CSRP1: variants seen among roughly 807,000 people sequenced by gnomAD.
CSRP1 encodes cysteine and glycine rich protein 1, also known as cysteine and glycine-rich protein 1.
In CSRP1, 16 loss-of-function variants were observed where a neutral mutation model predicts 25.4. That is an observed-to-expected ratio of 0.63 (90% CI 0.43 to 0.96). CSRP1 has a LOEUF of 0.96. Ranked by LOEUF, CSRP1 falls within the 40% of genes least tolerant of loss-of-function variation. The probability of loss-of-function intolerance (pLI) is 0.00; values close to 1 mark genes in which losing one functional copy is unlikely to be tolerated. For missense variants in CSRP1, 212 were observed against 243.6 expected (o/e 0.87, Z 0.86); for synonymous variants, 97 against 95.3 (o/e 1.02, Z -0.10).
At position 201,503,826 on chromosome 1, in the gene CSRP1, C is replaced by T. The variant is rs592865; in HGVS notation, c.-2+3244G>A. 1.3e-3 allele frequency among the ~76,000 whole-genome samples: 202 copies of T among 152,086 alleles called. 6 individuals are homozygous for T. Among genetic ancestry groups the T allele is most frequent in the South Asian group, 1.5e-3 (7 of 4,822 alleles). On this transcript the variant is annotated intron_variant, in intron 1 of 5. Transcript: ENST00000340006. ...TTGCTAGCTCTCTCTTTCTCAAGCA[C>T]GCTCTTTTCCAGGCTTGTTTTCTTT...
At chr1:201,487,199 C>T (rs1313242564) in intron 4 of CSRP1, 3 of 290,028 alleles carry the variant, frequency 1.0e-5, no homozygotes, top group Non-Finnish European at 2.1e-5. Context: ...ATCGTGAGGT[C>T]CAGGCTGGTT....
At chr1:201,506,215 T>C (rs1229771629) in intron 1 of CSRP1, among the ~76,000 whole-genome samples, 1 of 152,078 alleles carries the variant, frequency 6.6e-6, no homozygotes, top group Non-Finnish European at 1.5e-5. Flanking sequence ...ACTGTGATAG[T>C]ATCCCAGCGT....
intron 4 of CSRP1, chr1:201,486,332 G>A (rs1280775735): frequency 3.0e-6 from 3 of 985,400 alleles, no homozygotes; most frequent in Middle Eastern, 5.2e-4. Flanking sequence ...AGGCTGATGT[G>A]TAGACAGCTC....
chr1:201,485,172 G>T, intron 5 of CSRP1, 111 bp downstream of exon 5: 1 of 932,626 alleles, frequency 1.1e-6, no homozygotes, highest in Non-Finnish European at 1.8e-6. Flanking sequence ...TAGATGTTCA[G>T]ATCTTGGATC....
chr1:201,491,210 T>TA (rs1221352456), intron 2 of CSRP1: 1 of 152,300 alleles, frequency 6.6e-6, no homozygotes, highest in African/African-American at 2.4e-5. Flanking sequence ...GCTGGAGGAT[T>TA]ACTTGAGCCC....
intron 1 of CSRP1, among the ~76,000 whole-genome samples, chr1:201,500,849 G>A (rs1177163437): frequency 1.3e-5 from 2 of 152,232 alleles, no homozygotes; most frequent in Non-Finnish European, 2.9e-5. Context: ...CAGAGTTCAT[G>A]GAGTGCCTTA....
intron 1 of CSRP1, among the ~76,000 whole-genome samples, chr1:201,497,692 C>T (rs1484476051): frequency 6.6e-6 from 1 of 152,076 alleles, no homozygotes; most frequent in Non-Finnish European, 1.5e-5. Context: ...GTCAGTCTTT[C>T]CAAACCTTGA....
chr1:201,484,671 A>C lies in CSRP1; in HGVS notation c.*42T>G, dbSNP rs1470550214. 1 of 1,560,128 alleles carries C rather than the reference A, an allele frequency of 6.4e-7. No homozygotes were observed. The highest frequency in any genetic ancestry group is 8.8e-7 in the Non-Finnish European group (1 of 1,141,198). ...AGCTGCTGGGAATGGAATGGCGATGAAAAGCGCAGGAGTGGGCAGGGTGTG... is the reference window on the plus strand; with the variant it reads ...AGCTGCTGGGAATGGAATGGCGATGCAAAGCGCAGGAGTGGGCAGGGTGTG... On this transcript the variant is annotated 3_prime_UTR_variant, in exon 6 of 6. Transcript: ENST00000340006.
At chr1:201,486,210 G>T in intron 4 of CSRP1, 1 of 280,068 alleles carries the variant, frequency 3.6e-6, no homozygotes, top group South Asian at 1.4e-4. Flanking sequence ...GTAACACAGG[G>T]CAAACAGCTG....
Position 201,484,161 on chromosome 1 carries a change from T to C in CSRP1, c.*552A>G, listed in dbSNP as rs576697. ...GGAGAAGCAGGGGCTCCTAGGACCC[T>C]GCCTGCATGCCTCTCTGCCTCCAAT... On this transcript the variant is annotated 3_prime_UTR_variant, in exon 6 of 6. Transcript: ENST00000340006. 555,430 of 621,062 alleles carry C rather than the reference T, an allele frequency of 0.89. 248,856 individuals carry two copies. The highest frequency in any genetic ancestry group is 0.92 in the Admixed American group (41,880 of 45,752). The allele number at this position is 621,062 out of a possible 1,614,324, so 38.5% of individuals were successfully genotyped here.
intron 2 of CSRP1, 112 bp from the exon 3 acceptor site, chr1:201,490,456 C>T: frequency 9.0e-7 from 1 of 1,109,158 alleles, no homozygotes; most frequent in Non-Finnish European, 1.3e-6. Flanking sequence ...TACATAATAT[C>T]CTGATCTTTC....
intron 2 of CSRP1, 116 bp from the exon 3 acceptor site, chr1:201,490,460 ATCTT>A: frequency 5.6e-6 from 6 of 1,064,868 alleles, no homozygotes; most frequent in Non-Finnish European, 8.1e-6. Flanking sequence ...TAATATCCTG[ATCTT>A]TCAGGAACTG....
At position 201,483,954 on chromosome 1, in the gene CSRP1, C is replaced by T. The variant is rs1380515467; in HGVS notation, c.*759G>A. The T allele has an allele frequency of 2.9e-6, 2 of 679,996 alleles. No individual in the cohort carries two copies. The highest frequency in any genetic ancestry group is 2.0e-5 in the Admixed American group (1 of 49,692). 42.1% of individuals were successfully genotyped at this position (679,996 alleles called of 1,614,324 possible). On this transcript the variant is annotated 3_prime_UTR_variant, in exon 6 of 6. Coordinates refer to ENST00000340006, the MANE Select transcript of CSRP1 (RefSeq NM_004078.3). Reference sequence around the variant, plus strand: ...GCCAGAGATAAATGAAGATTTGAGCCATTGATAAATGCCAATATATGTTTC... The same window carrying T: ...GCCAGAGATAAATGAAGATTTGAGCTATTGATAAATGCCAATATATGTTTC...
At chr1:201,487,139 T>C (rs906133310) in intron 4 of CSRP1, 4 of 517,046 alleles carry the variant, frequency 7.7e-6, no homozygotes, top group Non-Finnish European at 1.3e-5. Context: ...TTGTTGGGTG[T>C]GGTAGCTCAC....
At chr1:201,505,474 A>G (rs77550062) in intron 1 of CSRP1, among the ~76,000 whole-genome samples, 1,619 of 148,416 alleles carry the variant, frequency 0.011, 8 homozygotes, top group South Asian at 0.028. Context: ...CCAATTGCAG[A>G]GTTGATGGGC....
intron 1 of CSRP1, among the ~76,000 whole-genome samples, chr1:201,500,204 C>T (rs1407103036): frequency 2.0e-5 from 3 of 152,220 alleles, no homozygotes; most frequent in African/African-American, 7.2e-5. Context: ...ACCCCCTGAA[C>T]CAGCAGGGGA....
chr1:201,488,484 T>TC (rs1332067811), intron 4 of CSRP1: 1 of 151,338 alleles, frequency 6.6e-6, no homozygotes, highest in African/African-American at 2.4e-5. Context: ...CTATGGATCT[T>TC]CTTCTAAGAA....
At position 201,496,314 on chromosome 1, in the gene CSRP1, GAC is replaced by G; in HGVS notation, c.-1-12_-1-11del. 6.3e-7 allele frequency: 1 copy of G among 1,595,250 alleles called. No individual in the cohort carries two copies. The highest frequency in any genetic ancestry group is 8.6e-7 in the Non-Finnish European group (1 of 1,163,320). On this transcript the variant is annotated splice_polypyrimidine_tract_variant and intron_variant, in intron 1 of 5. Transcript: ENST00000340006. ...TCCCCAGTTCGGCATTCTGAAAAGG[GAC>G]ACAGAAATGGGAATTAATTTTACAG...
In CSRP1 at chr1:201,498,178, A is replaced by T. The variant is rs1054162525; in HGVS notation, c.-1-1874T>A. Among the ~76,000 whole-genome samples, 5 of 152,194 alleles carry T rather than the reference A, an allele frequency of 3.3e-5. 1 individual carries two copies. The East Asian group carries it at 9.6e-4, about 29-fold the overall frequency. On this transcript the variant is annotated intron_variant, in intron 1 of 5. Coordinates refer to ENST00000340006, the MANE Select transcript of CSRP1 (RefSeq NM_004078.3). ...TGGCCACAGAGCAGCACGGAAGGTAACACTAGTGAGTGTGGAGAACAGATG... is the reference window on the plus strand; with the variant it reads ...TGGCCACAGAGCAGCACGGAAGGTATCACTAGTGAGTGTGGAGAACAGATG...
Sources: gnomAD v4.1 joint callset for allele counts (sites outside exome capture counted in the v4.1 genomes callset) on GRCh38, gnomAD v4.1.1 for gene constraint, MANE v1.5 for transcripts, NCBI Gene and HGNC (gene_info 2026-07-23, HGNC 2026-07-21) for gene names.